The following ARSB variants were observed in gnomAD, a reference collection of about 807,000 sequenced individuals.
ARSB encodes N-acetylgalactosamine-4-sulfatase.
A neutral mutation model predicts 50.9 loss-of-function variants in ARSB; 41 were observed. That is an observed-to-expected ratio of 0.81 (90% CI 0.63 to 1.04). ARSB has a LOEUF of 1.04. Ranked by LOEUF, ARSB falls within the 50% of genes least tolerant of loss-of-function variation. ARSB has a pLI of 0.00. For missense variants in ARSB, 672 were observed against 693.3 expected (o/e 0.97, Z 0.35); for synonymous variants, 269 against 284.8 (o/e 0.94, Z 0.56).
intron 1 of ARSB, among the ~76,000 whole-genome samples, chr5:78,974,781 T>C (rs1752595932): frequency 6.6e-6 from 1 of 152,186 alleles, no homozygotes; most frequent in Non-Finnish European, 1.5e-5. Context: ...CGCACTCCCC[T>C]TCCCTCCTGG....
chr5:78,814,660 G>T (rs1377585268), intron 6 of ARSB, among the ~76,000 whole-genome samples: 1 of 150,692 alleles, frequency 6.6e-6, no homozygotes, highest in Admixed American at 6.6e-5. Flanking sequence ...GTTGGGTGTT[G>T]TTCGTTATCT....
intron 1 of ARSB, among the ~76,000 whole-genome samples, chr5:78,982,402 A>G (rs976559984): frequency 1.3e-5 from 2 of 152,250 alleles, no homozygotes; most frequent in African/African-American, 2.4e-5. Context: ...CTTTACCTTG[A>G]GATATTTAGG....
At chr5:78,781,773 G>A in intron 7 of ARSB, 79 bp downstream of exon 7, 1 of 1,574,188 alleles carries the variant, frequency 6.4e-7, no homozygotes. Context: ...AGGGCAGATA[G>A]ACTGGAGATA....
At chr5:78,863,579 G>C (rs1442128976) in intron 5 of ARSB, among the ~76,000 whole-genome samples, 2 of 144,062 alleles carry the variant, frequency 1.4e-5, no homozygotes, top group Admixed American at 6.9e-5. Flanking sequence ...GACACGGGGC[G>C]GGGAACATCA....
At chr5:78,935,692 C>T (rs907021921) in intron 4 of ARSB, among the ~76,000 whole-genome samples, 8 of 152,150 alleles carry the variant, frequency 5.3e-5, no homozygotes, top group Non-Finnish European at 8.8e-5. Flanking sequence ...AACCTAATAA[C>T]AATAAAGCAC....
Position 78,819,267 on chromosome 5 carries a change from C to A in ARSB, c.1213+20089G>T, listed in dbSNP as rs1000820039. Reference sequence around the variant, plus strand: ...AAGGAAGCTCCGAGGGCCAACCTCACTTCCCATCCCTCAGCCAGCAGCAAG... The same window carrying A: ...AAGGAAGCTCCGAGGGCCAACCTCAATTCCCATCCCTCAGCCAGCAGCAAG... On this transcript the variant is annotated intron_variant, in intron 6 of 7. Coordinates refer to ENST00000264914, the MANE Select transcript of ARSB (RefSeq NM_000046.5). 6.6e-5 allele frequency among the ~76,000 whole-genome samples: 10 copies of A among 152,298 alleles called. No individual in the cohort carries two copies. In the East Asian group the frequency reaches 1.9e-3, roughly 29 times the overall value.
intron 1 of ARSB, among the ~76,000 whole-genome samples, chr5:78,973,905 C>T (rs1322962042): frequency 6.6e-6 from 1 of 152,196 alleles, no homozygotes; most frequent in Admixed American, 6.5e-5. Context: ...ATACCTCCTG[C>T]TGCAGTACTT....
chr5:78,821,254 G>C (rs1469922534), intron 6 of ARSB, among the ~76,000 whole-genome samples: 2 of 152,106 alleles, frequency 1.3e-5, no homozygotes, highest in African/African-American at 4.8e-5. Context: ...TCCTGCCTCA[G>C]CCTCCTGAGT....
At chr5:78,942,246 T>C (rs1018219146) in intron 4 of ARSB, among the ~76,000 whole-genome samples, 10 of 152,280 alleles carry the variant, frequency 6.6e-5, no homozygotes, top group African/African-American at 1.7e-4. Context: ...CCTGGATTCA[T>C]TGATATTTTG....
At chr5:78,872,170 G>A (rs2112156206) in intron 5 of ARSB, among the ~76,000 whole-genome samples, 1 of 149,256 alleles carries the variant, frequency 6.7e-6, no homozygotes, top group African/African-American at 2.4e-5. Context: ...GAAACAACAG[G>A]TGCTGGAGAG....
chr5:78,921,922 C>T (rs1561503266), intron 4 of ARSB, among the ~76,000 whole-genome samples: 2 of 152,050 alleles, frequency 1.3e-5, no homozygotes, highest in Non-Finnish European at 2.9e-5. Context: ...GAAGGTGTAG[C>T]GATTGTGGGA....
At chr5:78,941,814 A>C (rs1750945624) in intron 4 of ARSB, among the ~76,000 whole-genome samples, 1 of 152,030 alleles carries the variant, frequency 6.6e-6, no homozygotes, top group Non-Finnish European at 1.5e-5. Flanking sequence ...GTTAGGGAGG[A>C]TTCCCTCTTT....
In ARSB at chr5:78,892,248, C is replaced by CTTTTTT. The variant is rs34960858; in HGVS notation, c.899-6427_899-6422dup. ...GTCCTCCTAGATTGCATTCTCTATT[C>CTTTTTT]TTTTTTTTTTTTTTTTTTTTTTTTT... On this transcript the variant is annotated intron_variant, in intron 4 of 7. Coordinates refer to ENST00000264914, the MANE Select transcript of ARSB (RefSeq NM_000046.5). Among the ~76,000 whole-genome samples, 186 of 87,240 alleles carry CTTTTTT rather than the reference C, an allele frequency of 2.1e-3. 1 individual carries two copies. The highest frequency in any genetic ancestry group is 2.3e-3 in the Non-Finnish European group (112 of 48,592). The allele number at this position is 87,240 out of a possible 152,430, so 57.2% of individuals were successfully genotyped here. A position where few individuals can be genotyped will look rare whatever the true frequency, so the allele number is the denominator to read the frequency against.
At position 78,875,676 on chromosome 5, in the gene ARSB, T is replaced by A. The variant is rs193277195; in HGVS notation, c.1142+9908A>T. Among the ~76,000 whole-genome samples, 32 of 115,324 alleles carry A rather than the reference T, an allele frequency of 2.8e-4. No homozygotes were observed. In the East Asian group the frequency reaches 6.4e-3, roughly 23 times the overall value. The allele number at this position is 115,324 out of a possible 152,430, so 75.7% of individuals were successfully genotyped here. A position where few individuals can be genotyped will look rare whatever the true frequency, so the allele number is the denominator to read the frequency against. ...CAATAATTATTTATATTATTATTAT[T>A]TTTTTTTTTGAGACAGAGTCTCGCT... On this transcript the variant is annotated intron_variant, in intron 5 of 7. Coordinates refer to ENST00000264914, the MANE Select transcript of ARSB (RefSeq NM_000046.5).
Position 78,984,967 on chromosome 5 carries a change from CGACGGCGTGCACAGCGGCTGCGT to C in ARSB, c.259_281del (p.Thr87AlafsTer32). ...AGCGGCCAGTGAGCAGCTGGCTCCG[CGACGGCGTGCACAGCGGCTGCGT>C]GTAGTAGTTGTCCAGGAGCACCCCG... On this transcript the variant is annotated frameshift_variant, in exon 1 of 8. Transcript: ENST00000264914. LOFTEE classifies it high-confidence loss of function. The C allele has an allele frequency of 6.7e-7, 1 of 1,491,324 alleles. No individual in the cohort carries two copies. Among genetic ancestry groups the C allele is most frequent in the Non-Finnish European group, 8.9e-7 (1 of 1,120,444 alleles). 92.4% of individuals were successfully genotyped at this position (1,491,324 alleles called of 1,614,324 possible).
At chr5:78,942,544 A>C (rs1248739140) in intron 4 of ARSB, among the ~76,000 whole-genome samples, 4 of 152,178 alleles carry the variant, frequency 2.6e-5, no homozygotes, top group Admixed American at 6.5e-5. Flanking sequence ...TTATGTACCC[A>C]GTAGTCACTC....
In ARSB at chr5:78,841,168, C is replaced by CTACTAATAATAA. The variant is rs368030435; in HGVS notation, c.1143-1743_1143-1742insTTATTATTAGTA. Among the ~76,000 whole-genome samples, 113 of 132,016 alleles carry CTACTAATAATAA rather than the reference C, an allele frequency of 8.6e-4. 1 individual carries two copies. The highest frequency in any genetic ancestry group is 2.0e-3 in the African/African-American group (70 of 35,068). The allele number at this position is 132,016 out of a possible 152,430, so 86.6% of individuals were successfully genotyped here. On this transcript the variant is annotated intron_variant, in intron 5 of 7. Transcript: ENST00000264914. Reference sequence around the variant, plus strand: ...ACTACTACTACTACTACTACTACTACTAATAATAATAATAATTTGAGCATG... The same window carrying CTACTAATAATAA: ...ACTACTACTACTACTACTACTACTACTACTAATAATAATAATAATAATAATAATTTGAGCATG...
chr5:78,849,546 T>A (rs1403766926), intron 5 of ARSB, among the ~76,000 whole-genome samples: 15 of 151,756 alleles, frequency 9.9e-5, no homozygotes, highest in African/African-American at 7.2e-5. Context: ...CTTGGCAATG[T>A]GGGCTCTTTT....
rs1176193649 is a variant in ARSB, at chr5:78,848,473, G to A, written c.1143-9047C>T. On this transcript the variant is annotated intron_variant, in intron 5 of 7. Coordinates refer to ENST00000264914, the MANE Select transcript of ARSB (RefSeq NM_000046.5). Reference sequence around the variant, plus strand: ...TTAATCCAGTCTATCATTGTTGGACGTTTGGGTTGGTTCCAAGTCTTTGCT... The same window carrying A: ...TTAATCCAGTCTATCATTGTTGGACATTTGGGTTGGTTCCAAGTCTTTGCT... 9.9e-5 allele frequency among the ~76,000 whole-genome samples: 15 copies of A among 151,032 alleles called. No individual in the cohort carries two copies. The East Asian group carries it at 2.3e-3, about 23-fold the overall frequency.
Sources: allele counts gnomAD v4.1 joint callset (sites outside exome capture counted in the v4.1 genomes callset), GRCh38; gene constraint gnomAD v4.1.1; transcripts MANE v1.5; gene names NCBI Gene and HGNC (gene_info 2026-07-23, HGNC 2026-07-21).